The following MBNL2 variants were observed in gnomAD, a reference collection of about 807,000 sequenced individuals.
The protein encoded by MBNL2 is muscleblind like splicing regulator 2, also known as muscleblind-like protein 2.
MBNL2 carries 17 observed loss-of-function variants against 41.9 expected under a neutral mutation model. The ratio of observed to expected loss-of-function variants is 0.41; its 90% CI spans 0.28 to 0.61. The LOEUF (loss-of-function observed/expected upper bound fraction) is 0.61, where lower values mean the gene tolerates loss of function less well. MBNL2 is among the 20% of genes least tolerant of loss of function. MBNL2 has a pLI of 0.35. For synonymous variants in MBNL2, 195 were observed against 182.9 expected, an observed-to-expected ratio of 1.07 and a Z score of -0.53; for missense variants, 336 against 505.6, an observed-to-expected ratio of 0.66 and a Z score of 3.22.
At chr13:97,339,235 TGTATGA>T (rs2061207571) in intron 3 of MBNL2, among the ~76,000 whole-genome samples, 1 of 150,216 alleles carries the variant, frequency 6.7e-6, no homozygotes, top group Non-Finnish European at 1.5e-5. Context: ...GTTGTGAATG[TGTATGA>T]GTATGTGTTG....
chr13:97,162,108 G>A, the MBNL2 span, among the ~76,000 whole-genome samples: 1 of 152,102 alleles, frequency 6.6e-6, no homozygotes, highest in Non-Finnish European at 1.5e-5. Flanking sequence ...GTGGGGAGGT[G>A]CTACACACTT....
chr13:97,290,730 A>G (rs1408669642), intron 2 of MBNL2, among the ~76,000 whole-genome samples: 2 of 151,982 alleles, frequency 1.3e-5, no homozygotes, highest in Non-Finnish European at 1.5e-5. Context: ...TTCCCACCCA[A>G]CAATTATTTA....
chr13:97,164,866 T>C, the MBNL2 span, among the ~76,000 whole-genome samples: 1 of 152,152 alleles, frequency 6.6e-6, no homozygotes, highest in Non-Finnish European at 1.5e-5. Flanking sequence ...GTGGCCTTCC[T>C]GTGGGGCTGA....
intron 8 of MBNL2, among the ~76,000 whole-genome samples, chr13:97,367,680 G>A (rs1404349560): frequency 6.6e-6 from 1 of 152,186 alleles, no homozygotes; most frequent in African/African-American, 2.4e-5. Context: ...CCCCGTGACA[G>A]TGCTGACTGT....
chr13:97,334,157 C>CACACAA lies in MBNL2; in HGVS notation c.175-114_175-113insAACACA. 1 of 720,464 alleles carries CACACAA rather than the reference C, an allele frequency of 1.4e-6. No homozygotes were observed. Among genetic ancestry groups the CACACAA allele is most frequent in the Non-Finnish European group, 2.3e-6 (1 of 434,210 alleles). The allele number at this position is 720,464 out of a possible 1,614,324, so 44.6% of individuals were successfully genotyped here. A position where few individuals can be genotyped will look rare whatever the true frequency, so the allele number is the denominator to read the frequency against. On this transcript the variant is annotated intron_variant, in intron 2 of 8. Coordinates refer to ENST00000679496, the MANE Select transcript of MBNL2 (RefSeq NM_001382683.1). This position sits in a 1 kb window ranked among gnomAD's most constrained non-coding sequence, Gnocchi z 5.3. ...GCATGCGCGCGCACACCCACACACA[C>CACACAA]ACACACACACACACACACAGGATCC...
At chr13:97,235,111 C>T (rs770990238) in intron 1 of MBNL2, among the ~76,000 whole-genome samples, 3 of 152,194 alleles carry the variant, frequency 2.0e-5, no homozygotes, top group Non-Finnish European at 4.4e-5. Context: ...GAGGTGACCA[C>T]ATTTTCATGT....
intron 1 of MBNL2, among the ~76,000 whole-genome samples, chr13:97,224,568 T>C (rs2041302919): frequency 6.8e-6 from 1 of 148,018 alleles, no homozygotes; most frequent in Non-Finnish European, 1.5e-5. Flanking sequence ...TTAATAGAAT[T>C]GAATCATACT....
chr13:97,183,503 C>T, the MBNL2 span, among the ~76,000 whole-genome samples: 1 of 152,176 alleles, frequency 6.6e-6, no homozygotes. Flanking sequence ...TGAGCCCTCT[C>T]CAAACTGTCA....
the MBNL2 span, chr13:97,179,245 A>G: frequency 6.6e-6 from 1 of 152,142 alleles, no homozygotes; most frequent in Admixed American, 6.5e-5. Context: ...ACCTGCCATT[A>G]TTACTGACTT....
At chr13:97,216,772 A>C (rs942436462), upstream of MBNL2, among the ~76,000 whole-genome samples, 7 of 152,016 alleles carry the variant, frequency 4.6e-5, no homozygotes, top group African/African-American at 1.7e-4. Flanking sequence ...TCATAACTGC[A>C]TTGTGCCTTT....
chr13:97,148,100 G>A, the MBNL2 span, among the ~76,000 whole-genome samples: 1 of 152,154 alleles, frequency 6.6e-6, no homozygotes, highest in African/African-American at 2.4e-5. Context: ...CTGAGCGACC[G>A]GTTACATAAG....
At chr13:97,149,903 G>A in the MBNL2 span, among the ~76,000 whole-genome samples, 13 of 152,256 alleles carry the variant, frequency 8.5e-5, no homozygotes, top group Non-Finnish European at 1.3e-4. Flanking sequence ...TCCCAGAAGC[G>A]AAATTAGGAA....
intron 2 of MBNL2, among the ~76,000 whole-genome samples, chr13:97,327,435 C>T (rs558475851): frequency 1.3e-5 from 2 of 151,930 alleles, no homozygotes; most frequent in South Asian, 2.1e-4. Context: ...TAACAATTTA[C>T]GTTTCTTCCT....
intron 2 of MBNL2, among the ~76,000 whole-genome samples, chr13:97,333,332 T>A (rs1174461852): frequency 6.6e-6 from 1 of 152,232 alleles, no homozygotes; most frequent in Non-Finnish European, 1.5e-5. Flanking sequence ...CACCGCCATA[T>A]GCAATTACCC....
chr13:97,263,885 T>A (rs2049160878), intron 1 of MBNL2, among the ~76,000 whole-genome samples: 1 of 152,140 alleles, frequency 6.6e-6, no homozygotes, highest in African/African-American at 2.4e-5. Flanking sequence ...CCGAAAGTGC[T>A]CGGATTACAG....
At chr13:97,173,333 T>C in the MBNL2 span, among the ~76,000 whole-genome samples, 1 of 152,156 alleles carries the variant, frequency 6.6e-6, no homozygotes, top group Non-Finnish European at 1.5e-5. Context: ...GTCAGGCAAA[T>C]ATGGACTAGG....
chr13:97,369,085 A>G (rs982343009), intron 8 of MBNL2, among the ~76,000 whole-genome samples: 10 of 152,208 alleles, frequency 6.6e-5, no homozygotes, highest in African/African-American at 2.4e-4. Context: ...TAGTGAACAC[A>G]AATTTCCAGA....
intron 1 of MBNL2, among the ~76,000 whole-genome samples, chr13:97,247,671 C>T (rs371462476): frequency 1.3e-3 from 205 of 152,228 alleles, no homozygotes; most frequent in African/African-American, 4.7e-3. Flanking sequence ...TTCTTTAGTG[C>T]GTTCATTAAA....
chr13:97,383,474 T>C (rs1022742085), intron 8 of MBNL2, among the ~76,000 whole-genome samples: 13 of 152,240 alleles, frequency 8.5e-5, no homozygotes, highest in Non-Finnish European at 1.8e-4. Flanking sequence ...AATTTTTCTT[T>C]AGTATATCTA....
Sources: allele counts gnomAD v4.1 joint callset (sites outside exome capture counted in the v4.1 genomes callset), GRCh38; gene constraint gnomAD v4.1.1; non-coding constraint Gnocchi (gnomAD v3.1); transcripts MANE v1.5; gene names NCBI Gene and HGNC (gene_info 2026-07-23, HGNC 2026-07-21).